The following SPIDR variants were observed in gnomAD, a reference collection of about 807,000 sequenced individuals.
SPIDR encodes the protein DNA repair-scaffolding protein.
A neutral mutation model predicts 104.6 loss-of-function variants in SPIDR; 93 were observed. The observed-to-expected ratio is 0.89, with a 90% CI of 0.75 to 1.06. The LOEUF is 1.06. Ranked by LOEUF, SPIDR falls within the 50% of genes least tolerant of loss-of-function variation. The pLI is 0.00. For missense variants in SPIDR, 1,154 were observed against 1,111.2 expected (o/e 1.04, Z -0.55); for synonymous variants, 431 against 416.9 (o/e 1.03, Z -0.41).
intron 11 of SPIDR, among the ~76,000 whole-genome samples, chr8:47,688,906 G>A (rs2078229479): frequency 6.6e-6 from 1 of 152,128 alleles, no homozygotes. Flanking sequence ...GATCTGTAGT[G>A]GAATTCACTG....
At chr8:47,589,151 G>C (rs886519712) in intron 8 of SPIDR, among the ~76,000 whole-genome samples, 2 of 150,578 alleles carry the variant, frequency 1.3e-5, no homozygotes, top group Admixed American at 1.3e-4. Flanking sequence ...ATTGGTGCTA[G>C]TTCTTCTTTT....
intron 8 of SPIDR, among the ~76,000 whole-genome samples, chr8:47,570,918 C>T (rs2058439126): frequency 6.6e-6 from 1 of 152,030 alleles, no homozygotes; most frequent in Admixed American, 6.6e-5. Flanking sequence ...TGGTGAAACC[C>T]CGTCTCTACT....
intron 8 of SPIDR, among the ~76,000 whole-genome samples, chr8:47,507,538 T>G (rs2081671272): frequency 6.6e-6 from 1 of 152,208 alleles, no homozygotes; most frequent in Non-Finnish European, 1.5e-5. Flanking sequence ...TGAGCCCTGG[T>G]GGGGGGCTGA....
intron 8 of SPIDR, among the ~76,000 whole-genome samples, chr8:47,473,761 C>T (rs529281806): frequency 6.6e-6 from 1 of 152,248 alleles, no homozygotes; most frequent in East Asian, 1.9e-4. Flanking sequence ...ATATAGTCTT[C>T]ATGTTTTCTC....
At chr8:47,426,760 GAACTCATCCTTTAATGAGGAACC>G (rs1253579028) in intron 7 of SPIDR, among the ~76,000 whole-genome samples, 3 of 152,208 alleles carry the variant, frequency 2.0e-5, no homozygotes, top group African/African-American at 7.2e-5. Context: ...GAAGGTGGTA[GAACTCATCCTTTAATGAGGAACC>G]AACTCCCATG....
intron 6 of SPIDR, among the ~76,000 whole-genome samples, chr8:47,401,873 A>G (rs2061946667): frequency 6.6e-6 from 1 of 152,208 alleles, no homozygotes; most frequent in Non-Finnish European, 1.5e-5. Context: ...AGACTCCCAC[A>G]CAGTAATAAT....
At chr8:47,328,908 T>C (rs1018996139) in intron 5 of SPIDR, among the ~76,000 whole-genome samples, 1 of 150,534 alleles carries the variant, frequency 6.6e-6, no homozygotes. Context: ...ATTTTCACAA[T>C]TTTTTTTTTC....
At chr8:47,303,047 A>G (rs903313409) in intron 5 of SPIDR, among the ~76,000 whole-genome samples, 6 of 152,290 alleles carry the variant, frequency 3.9e-5, no homozygotes, top group Non-Finnish European at 5.9e-5. Flanking sequence ...CCCAGAGGTG[A>G]GTCTACAGAG....
At chr8:47,667,059 T>C (rs1436416636) in intron 10 of SPIDR, among the ~76,000 whole-genome samples, 1 of 152,108 alleles carries the variant, frequency 6.6e-6, no homozygotes, top group Non-Finnish European at 1.5e-5. Context: ...GGCAGGCAGA[T>C]GACCTGAGGT....
chr8:47,422,366 C>T (rs957694051), intron 7 of SPIDR, among the ~76,000 whole-genome samples: 28 of 152,192 alleles, frequency 1.8e-4, no homozygotes, highest in Admixed American at 5.2e-4. Flanking sequence ...GACTGCTGTG[C>T]TAGCAATGAG....
chr8:47,327,046 A>G (rs1563629554), intron 5 of SPIDR, among the ~76,000 whole-genome samples: 1 of 152,098 alleles, frequency 6.6e-6, no homozygotes, highest in Non-Finnish European at 1.5e-5. Flanking sequence ...ACCATTTTAC[A>G]TTCCTGTTAG....
intron 7 of SPIDR, among the ~76,000 whole-genome samples, chr8:47,438,013 G>T (rs2068687760): frequency 6.6e-6 from 1 of 152,230 alleles, no homozygotes; most frequent in Non-Finnish European, 1.5e-5. Flanking sequence ...ATGTATTTCT[G>T]TAATAGCCTG....
rs1052589047 is a variant in SPIDR, at chr8:47,305,570, A to G, written c.525+11540A>G. ...TAAACAAAATTTTGTACTACATGGG[A>G]GTGTATTATAATCTTGCAGAAAGTG... On this transcript the variant is annotated intron_variant, in intron 5 of 19. Transcript: ENST00000297423. Among the ~76,000 whole-genome samples the G allele has an allele frequency of 1.3e-4, 20 of 152,320 alleles. No individual in the cohort carries two copies. In the South Asian group the frequency reaches 3.9e-3, roughly 30 times the overall value.
chr8:47,662,458 C>T (rs1159110149), intron 10 of SPIDR, among the ~76,000 whole-genome samples: 1 of 152,156 alleles, frequency 6.6e-6, no homozygotes, highest in Admixed American at 6.5e-5. Context: ...AGCCAATGAG[C>T]ACTACTTTGC....
intron 10 of SPIDR, among the ~76,000 whole-genome samples, chr8:47,646,178 T>TG (rs373927303): frequency 9.9e-4 from 151 of 152,304 alleles, no homozygotes; most frequent in African/African-American, 3.4e-3. Context: ...AGATGCTCAA[T>TG]GTCTCATGAT....
chr8:47,732,080 C>A, intron 19 of SPIDR: 1 of 698,640 alleles, frequency 1.4e-6, no homozygotes, highest in East Asian at 2.7e-5. Flanking sequence ...AGGAAGTCTC[C>A]AGCAATGGAC....
In SPIDR at chr8:47,734,725, G is replaced by A. The variant is rs555025928; in HGVS notation, c.2605-582G>A. Among the ~76,000 whole-genome samples the A allele has an allele frequency of 4.6e-4, 70 of 152,266 alleles. 3 individuals are homozygous for A. The South Asian group carries it at 0.014, about 31-fold the overall frequency. On this transcript the variant is annotated intron_variant, in intron 19 of 19. Transcript: ENST00000297423. ...CACCACACCCTCTCAGCCTGGTCAG[G>A]GATGGGGGCCAAGGACTCCCTGTAC...
At chr8:47,672,630 C>A (rs1200750789) in intron 10 of SPIDR, among the ~76,000 whole-genome samples, 1 of 152,106 alleles carries the variant, frequency 6.6e-6, no homozygotes, top group Non-Finnish European at 1.5e-5. Flanking sequence ...TATGTAGTTT[C>A]TTGTCTCCTA....
chr8:47,645,964 A>G (rs2070265562), intron 10 of SPIDR, among the ~76,000 whole-genome samples: 1 of 152,208 alleles, frequency 6.6e-6, no homozygotes, highest in African/African-American at 2.4e-5. Flanking sequence ...TCTTGATTCA[A>G]CATCCATGGA....
Sources: allele counts gnomAD v4.1 joint callset (sites outside exome capture counted in the v4.1 genomes callset), GRCh38; gene constraint gnomAD v4.1.1; transcripts MANE v1.5; gene names NCBI Gene and HGNC (gene_info 2026-07-23, HGNC 2026-07-21).